Variants in GRM7 observed in about 807,000 individuals in gnomAD.
GRM7 encodes glutamate metabotropic receptor 7.
In GRM7, 35 loss-of-function variants were observed where a neutral mutation model predicts 84.5. That is an observed-to-expected ratio of 0.41 (90% CI 0.32 to 0.55). The LOEUF is 0.55. Among genes scored for constraint, GRM7 ranks in the 20% least tolerant of loss-of-function variants. The pLI, the probability that GRM7 is intolerant of heterozygous loss-of-function variation, is 0.19. For missense variants in GRM7, 1,003 were observed against 1,194.6 expected, an observed-to-expected ratio of 0.84 and a Z score of 2.36; for synonymous variants, 487 against 455.1, an observed-to-expected ratio of 1.07 and a Z score of -0.89.
chr3:7,176,721 C>A (rs1422139971), intron 2 of GRM7, among the ~76,000 whole-genome samples: 1 of 152,120 alleles, frequency 6.6e-6, no homozygotes, highest in African/African-American at 2.4e-5. Context: ...TCTTGTTGGC[C>A]AAGGCTTTGA....
chr3:7,213,759 A>T (rs76309193), intron 2 of GRM7, among the ~76,000 whole-genome samples: 2,373 of 152,230 alleles, frequency 0.016, 43 homozygotes, highest in African/African-American at 0.045. Context: ...GTCACTAGAA[A>T]TGGACTGCCC....
At chr3:7,363,072 T>C (rs929756379) in intron 4 of GRM7, among the ~76,000 whole-genome samples, 1 of 152,046 alleles carries the variant, frequency 6.6e-6, no homozygotes, top group Non-Finnish European at 1.5e-5. Flanking sequence ...CAGTGAGCTA[T>C]ATGATCACAC....
intron 6 of GRM7, among the ~76,000 whole-genome samples, chr3:7,455,253 C>T (rs1204173728): frequency 6.6e-6 from 1 of 152,052 alleles, no homozygotes; most frequent in Non-Finnish European, 1.5e-5. Context: ...AATACAAAGT[C>T]GCCCTTTTGT....
chr3:6,938,808 A>G (rs1166738085), intron 1 of GRM7, among the ~76,000 whole-genome samples: 1 of 152,210 alleles, frequency 6.6e-6, no homozygotes, highest in Non-Finnish European at 1.5e-5. Flanking sequence ...GGAGGTAGAC[A>G]GGTAGAAAAT....
intron 1 of GRM7, among the ~76,000 whole-genome samples, chr3:7,093,462 G>A (rs1209142592): frequency 1.3e-5 from 2 of 151,430 alleles, no homozygotes; most frequent in East Asian, 2.0e-4. Flanking sequence ...GGTGGATCAC[G>A]AGGTCAGGAG....
chr3:7,397,615 C>T (rs1695264539), intron 4 of GRM7, among the ~76,000 whole-genome samples: 1 of 152,030 alleles, frequency 6.6e-6, no homozygotes, highest in Non-Finnish European at 1.5e-5. Context: ...ACTCCAATTA[C>T]CCTAATTTGA....
chr3:7,536,363 G>C (rs944710980), intron 7 of GRM7, among the ~76,000 whole-genome samples: 2 of 152,112 alleles, frequency 1.3e-5, no homozygotes, highest in Non-Finnish European at 2.9e-5. Flanking sequence ...ACTTGGAATT[G>C]TCTCAGCAAC....
At chr3:7,697,180 C>T (rs1701053814) in intron 9 of GRM7, among the ~76,000 whole-genome samples, 1 of 152,024 alleles carries the variant, frequency 6.6e-6, no homozygotes, top group Non-Finnish European at 1.5e-5. Context: ...GAGTTTGTGT[C>T]CAGAAGTATA....
At chr3:7,160,707 A>C (rs1300364601) in intron 2 of GRM7, among the ~76,000 whole-genome samples, 1 of 152,194 alleles carries the variant, frequency 6.6e-6, no homozygotes, top group African/African-American at 2.4e-5. Flanking sequence ...CAAGTTAAAA[A>C]GAACCTATTG....
At chr3:7,522,930 C>G (rs1184264421) in intron 7 of GRM7, among the ~76,000 whole-genome samples, 1 of 152,260 alleles carries the variant, frequency 6.6e-6, no homozygotes, top group East Asian at 1.9e-4. Flanking sequence ...CTTCTCCTCT[C>G]TCCCTTTCTT....
At chr3:7,358,336 C>T (rs1227653435) in intron 4 of GRM7, among the ~76,000 whole-genome samples, 1 of 152,132 alleles carries the variant, frequency 6.6e-6, no homozygotes, top group Non-Finnish European at 1.5e-5. Flanking sequence ...CAGCAAACAA[C>T]AAGGCGTGGA....
intron 5 of GRM7, among the ~76,000 whole-genome samples, chr3:7,445,942 T>C (rs940140030): frequency 1.8e-4 from 28 of 152,280 alleles, no homozygotes; most frequent in African/African-American, 6.5e-4. Context: ...GCTGTCCCTG[T>C]GTCCCCTTCA....
At chr3:7,575,106 C>A (rs1694896186) in intron 7 of GRM7, among the ~76,000 whole-genome samples, 1 of 152,170 alleles carries the variant, frequency 6.6e-6, no homozygotes, top group African/African-American at 2.4e-5. Context: ...TTTATCTATG[C>A]AGTCTATTTG....
intron 4 of GRM7, among the ~76,000 whole-genome samples, chr3:7,335,780 T>C (rs113129172): frequency 0.04 from 6,016 of 152,048 alleles, 252 homozygotes; most frequent in African/African-American, 0.11. Context: ...GTGAACACCT[T>C]TATGCACACA....
chr3:7,317,314 C>T (rs779244143), intron 4 of GRM7, among the ~76,000 whole-genome samples: 1 of 151,322 alleles, frequency 6.6e-6, no homozygotes, highest in African/African-American at 2.4e-5. Context: ...GAACTATAGT[C>T]ATATAGAACT....
At chr3:7,270,946 T>A (rs947001472) in intron 2 of GRM7, among the ~76,000 whole-genome samples, 3 of 152,192 alleles carry the variant, frequency 2.0e-5, no homozygotes, top group Admixed American at 2.0e-4. Context: ...AACAATGACC[T>A]AGTTGTTAAC....
intron 8 of GRM7, among the ~76,000 whole-genome samples, chr3:7,617,893 A>G (rs1417747768): frequency 2.0e-5 from 3 of 152,130 alleles, no homozygotes; most frequent in Admixed American, 6.6e-5. Context: ...GCTCAGGACA[A>G]TGTGGAGGAA....
At chr3:6,979,694 ATTATC>A (rs1467097202) in intron 1 of GRM7, among the ~76,000 whole-genome samples, 2 of 152,206 alleles carry the variant, frequency 1.3e-5, no homozygotes, top group Non-Finnish European at 2.9e-5. Flanking sequence ...TGTTTATTGC[ATTATC>A]TTATTTTGTA....
intron 1 of GRM7, among the ~76,000 whole-genome samples, chr3:6,992,667 G>C (rs1646283682): frequency 6.6e-6 from 1 of 152,122 alleles, no homozygotes; most frequent in African/African-American, 2.4e-5. Flanking sequence ...ACCCAGTAAG[G>C]GATAGAGACA....
Sources: gnomAD v4.1 joint callset for allele counts (sites outside exome capture counted in the v4.1 genomes callset) on GRCh38, gnomAD v4.1.1 for gene constraint, MANE v1.5 for transcripts, NCBI Gene and HGNC (gene_info 2026-07-23, HGNC 2026-07-21) for gene names.